Variants in LRRC4C observed in about 807,000 individuals in gnomAD.
LRRC4C encodes the protein leucine rich repeat containing 4C.
A neutral mutation model predicts 33.6 loss-of-function variants in LRRC4C; 5 were observed. The observed-to-expected ratio is 0.15, with a 90% CI of 0.08 to 0.31. LRRC4C has a LOEUF of 0.31. Ranked by LOEUF, LRRC4C falls within the 10% of genes least tolerant of loss-of-function variation. The pLI is 1.00. For missense variants in LRRC4C, 560 were observed against 796.7 expected (o/e 0.70, Z 3.58); for synonymous variants, 329 against 302.0 (o/e 1.09, Z -0.93).
At chr11:41,312,270 A>C (rs991150957) in intron 1 of LRRC4C, among the ~76,000 whole-genome samples, 6 of 152,080 alleles carry the variant, frequency 3.9e-5, no homozygotes, top group Non-Finnish European at 8.8e-5. Flanking sequence ...AACCCTTCAA[A>C]ATGCTGCCAT....
intron 2 of LRRC4C, among the ~76,000 whole-genome samples, chr11:40,768,034 A>G (rs1414745953): frequency 2.0e-5 from 3 of 152,190 alleles, no homozygotes; most frequent in African/African-American, 7.2e-5. Flanking sequence ...AACAAAATAA[A>G]AAGTTTTTTA....
chr11:40,610,383 C>T (rs1386860692), intron 3 of LRRC4C, among the ~76,000 whole-genome samples: 10 of 151,570 alleles, frequency 6.6e-5, no homozygotes, highest in East Asian at 1.9e-4. Flanking sequence ...ATAAAAAGGC[C>T]ATACATGAAA....
intron 2 of LRRC4C, among the ~76,000 whole-genome samples, chr11:40,833,976 C>A (rs1952539925): frequency 6.6e-6 from 1 of 152,082 alleles, no homozygotes; most frequent in South Asian, 2.1e-4. Context: ...AGATCACTTT[C>A]TACCCTGTAC....
chr11:40,540,762 T>C (rs1347781455), intron 3 of LRRC4C, among the ~76,000 whole-genome samples: 2 of 152,206 alleles, frequency 1.3e-5, no homozygotes, highest in East Asian at 3.8e-4. Flanking sequence ...TCAAATAGTT[T>C]TAGTTTTTTG....
intron 3 of LRRC4C, among the ~76,000 whole-genome samples, chr11:40,367,089 C>T (rs1948242660): frequency 6.6e-6 from 1 of 151,992 alleles, no homozygotes; most frequent in Non-Finnish European, 1.5e-5. Flanking sequence ...TACCTGCATC[C>T]TCATTATATA....
intron 3 of LRRC4C, among the ~76,000 whole-genome samples, chr11:40,418,608 G>A (rs1160553786): frequency 6.6e-6 from 1 of 152,180 alleles, no homozygotes; most frequent in Non-Finnish European, 1.5e-5. Flanking sequence ...TCCCATTACT[G>A]GGTATATACT....
intron 1 of LRRC4C, among the ~76,000 whole-genome samples, chr11:41,335,444 C>T (rs191958174): frequency 1.3e-5 from 2 of 152,142 alleles, no homozygotes; most frequent in Non-Finnish European, 2.9e-5. Flanking sequence ...AAAAATACTA[C>T]CTGTCCATCT....
chr11:40,534,822 G>A (rs1591030513), intron 3 of LRRC4C, among the ~76,000 whole-genome samples: 1 of 152,264 alleles, frequency 6.6e-6, no homozygotes, highest in East Asian at 1.9e-4. Flanking sequence ...CAAAGAGGAA[G>A]GCACTGATGA....
intron 2 of LRRC4C, among the ~76,000 whole-genome samples, chr11:40,797,309 T>C (rs1465044025): frequency 6.6e-6 from 1 of 151,936 alleles, no homozygotes; most frequent in Non-Finnish European, 1.5e-5. Flanking sequence ...ATGAATTTGG[T>C]TTTTGAAAGG....
At chr11:41,197,894 A>G (rs1946248161) in intron 1 of LRRC4C, among the ~76,000 whole-genome samples, 1 of 152,022 alleles carries the variant, frequency 6.6e-6, no homozygotes, top group Non-Finnish European at 1.5e-5. Context: ...GAAAATGCTC[A>G]GTAAATGAAA....
At chr11:40,336,190 CAG>C (rs1416403912) in intron 3 of LRRC4C, among the ~76,000 whole-genome samples, 2 of 152,172 alleles carry the variant, frequency 1.3e-5, no homozygotes. Context: ...GTAACTGTGA[CAG>C]AACACAGGCA....
At chr11:40,402,837 GA>G (rs1469706135) in intron 3 of LRRC4C, among the ~76,000 whole-genome samples, 1 of 151,976 alleles carries the variant, frequency 6.6e-6, no homozygotes, top group Non-Finnish European at 1.5e-5. Context: ...TACCTATAAA[GA>G]AACAGGCATT....
At chr11:40,371,736 T>C (rs1183071225) in intron 3 of LRRC4C, among the ~76,000 whole-genome samples, 6 of 152,284 alleles carry the variant, frequency 3.9e-5, no homozygotes, top group East Asian at 3.9e-4. Flanking sequence ...AATGTAAGAA[T>C]ATAATAAGTG....
At chr11:40,943,600 A>G (rs1958254180) in intron 1 of LRRC4C, among the ~76,000 whole-genome samples, 1 of 152,178 alleles carries the variant, frequency 6.6e-6, no homozygotes, top group Non-Finnish European at 1.5e-5. Context: ...AGAGTATTAC[A>G]GCCACCACAC....
In LRRC4C at chr11:40,886,969, CAT is replaced by C. The variant is rs1230468982; in HGVS notation, c.-407+46664_-407+46665del. Among the ~76,000 whole-genome samples the C allele has an allele frequency of 9.3e-3, 1,353 of 145,236 alleles. 19 individuals carry two copies. Among genetic ancestry groups the C allele is most frequent in the African/African-American group, 0.033 (1,263 of 38,248 alleles). On this transcript the variant is annotated intron_variant, in intron 2 of 6. Coordinates refer to ENST00000528697, the MANE Select transcript of LRRC4C (RefSeq NM_001258419.2). ...ATATACACGTGTGTGTATATATATA[CAT>C]ATATATATATACGTGTATATATCTA... is the stretch of plus-strand genomic sequence containing the variant.
intron 2 of LRRC4C, among the ~76,000 whole-genome samples, chr11:40,712,848 T>C (rs1237258880): frequency 1.3e-5 from 2 of 151,862 alleles, no homozygotes; most frequent in East Asian, 3.9e-4. Flanking sequence ...TTTCAATAGA[T>C]CGTTTGTTAT....
chr11:40,644,555 G>A (rs1942323946), intron 3 of LRRC4C, among the ~76,000 whole-genome samples: 2 of 152,164 alleles, frequency 1.3e-5, no homozygotes, highest in Admixed American at 6.5e-5. Flanking sequence ...TAAACAAACT[G>A]TGGTATATGC....
intron 1 of LRRC4C, among the ~76,000 whole-genome samples, chr11:40,953,618 C>G (rs1472752916): frequency 6.6e-6 from 1 of 151,812 alleles, no homozygotes; most frequent in Admixed American, 6.6e-5. Context: ...GCACACATTA[C>G]TAGATACTAT....
intron 4 of LRRC4C, among the ~76,000 whole-genome samples, chr11:40,286,900 C>A (rs1253464097): frequency 2.0e-5 from 3 of 152,044 alleles, no homozygotes; most frequent in Admixed American, 2.0e-4. Flanking sequence ...ACCTTTTTAC[C>A]CACATATCTG....
Sources: gnomAD v4.1 joint callset for allele counts (sites outside exome capture counted in the v4.1 genomes callset) on GRCh38, gnomAD v4.1.1 for gene constraint, MANE v1.5 for transcripts, NCBI Gene and HGNC (gene_info 2026-07-23, HGNC 2026-07-21) for gene names.